The following CD163L1 variants were observed in gnomAD, a reference collection of about 807,000 sequenced individuals.
CD163L1 encodes the protein scavenger receptor cysteine-rich type 1 protein M160.
In CD163L1, 124 loss-of-function variants were observed where a neutral mutation model predicts 165.4. The observed-to-expected ratio is 0.75, with a 90% CI of 0.65 to 0.87. CD163L1 has a LOEUF of 0.87. Ranked by LOEUF, CD163L1 falls within the 40% of genes least tolerant of loss-of-function variation. CD163L1 has a pLI of 0.00. For synonymous variants in CD163L1, 585 were observed against 662.2 expected (o/e 0.88, Z 1.79); for missense variants, 1,525 against 1,799.9 (o/e 0.85, Z 2.76).
At chr12:7,439,451 C>G in intron 2 of CD163L1, 1 of 1,585,610 alleles carries the variant, frequency 6.3e-7, no homozygotes. Context: ...TTGGACTTGT[C>G]TTTTAGCTTC....
downstream of CD163L1, among the ~76,000 whole-genome samples, chr12:7,351,737 G>A (rs1418048725): frequency 6.6e-6 from 1 of 152,046 alleles, no homozygotes; most frequent in Non-Finnish European, 1.5e-5. Flanking sequence ...ATAAACCAGG[G>A]CTCCTTGGAA....
chr12:7,396,979 T>C (rs1947791965), intron 7 of CD163L1, among the ~76,000 whole-genome samples: 1 of 152,162 alleles, frequency 6.6e-6, no homozygotes, highest in African/African-American at 2.4e-5. Context: ...AGGATGAGTT[T>C]TATGAATTGA....
In CD163L1 at chr12:7,375,815, A is replaced by C. The variant is rs535109311; in HGVS notation, c.2571T>G (p.Thr857=). Residue 857 remains threonine (T), a synonymous_variant, in exon 10 of 20, where the codon ACT becomes ACG. Transcript: ENST00000313599. ...GDHFGKGNGL[T]WAEKFQCEGS... is the part of the protein sequence containing the mutation. ...CTTCACACTGGAACTTTTCGGCCCA[A>C]GTTAGACCATTCCCTTTTCCAAAGT... 1 of 1,614,120 alleles carries C rather than the reference A, an allele frequency of 6.2e-7. No individual in the cohort carries two copies. Among genetic ancestry groups the C allele is most frequent in the Non-Finnish European group, 8.5e-7 (1 of 1,180,050 alleles).
chr12:7,421,564 T>C (rs1013564350), intron 4 of CD163L1, among the ~76,000 whole-genome samples: 1 of 135,674 alleles, frequency 7.4e-6, no homozygotes, highest in African/African-American at 2.7e-5. Context: ...TACATATATG[T>C]ACATATATAC....
Position 7,368,027 on chromosome 12 carries a change from T to C in CD163L1, c.4183+60A>G, listed in dbSNP as rs771667481. The C allele has an allele frequency of 6.3e-6, 6 of 959,056 alleles. No homozygotes were observed. The highest frequency in any genetic ancestry group is 1.0e-5 in the Non-Finnish European group (6 of 589,452). The allele number at this position is 959,056 out of a possible 1,614,324, so 59.4% of individuals were successfully genotyped here. On this transcript the variant is annotated intron_variant, in intron 17 of 19. Transcript: ENST00000313599. The surrounding 1 kb of genome is among the most constrained non-coding windows in gnomAD (Gnocchi z 4.3). The stretch of plus-strand genomic sequence containing the variant: ...TCTTCCATTCTGCAAGAATCCCCCA[T>C]CCTGTGTGCCCTTGGTGGCAGGTAA...
rs112285280 is a variant in CD163L1 at position 7,440,882 on chromosome 12, C to G, written c.124+272G>C. ...CCTCAGGTGATCTCCCCACCTTGGC[C>G]TCCCAAAGTGCTGAGATTACAGGCC... On this transcript the variant is annotated intron_variant, in intron 2 of 19. Coordinates refer to ENST00000313599, the MANE Select transcript of CD163L1 (RefSeq NM_174941.6). 6.8e-3 allele frequency among the ~76,000 whole-genome samples: 1,031 copies of G among 152,278 alleles called. 10 individuals are homozygous for G. The highest frequency in any genetic ancestry group is 0.024 in the African/African-American group (990 of 41,550).
At chr12:7,391,064 C>A (rs1444862213) in intron 8 of CD163L1, among the ~76,000 whole-genome samples, 1 of 152,152 alleles carries the variant, frequency 6.6e-6, no homozygotes, top group Non-Finnish European at 1.5e-5. Context: ...GCTGTTGATA[C>A]CCAGGCAAAC....
intron 2 of CD163L1, chr12:7,438,889 G>A (rs760678726): frequency 3.6e-5 from 58 of 1,590,952 alleles, no homozygotes; most frequent in African/African-American, 1.7e-4. Flanking sequence ...CAGCACTTTT[G>A]CCTCTGTCTT....
downstream of CD163L1, among the ~76,000 whole-genome samples, chr12:7,343,867 C>A (rs11052118): frequency 0.061 from 9,300 of 152,242 alleles, 381 homozygotes; most frequent in East Asian, 0.16. Context: ...AATATTAACT[C>A]AAAAGTCCCA....
At chr12:7,421,628 TACATATATGTAC>T (rs1264673808) in intron 4 of CD163L1, among the ~76,000 whole-genome samples, 4 of 103,874 alleles carry the variant, frequency 3.9e-5, no homozygotes, top group African/African-American at 2.1e-4. Context: ...TGTACATATA[TACATATATGTAC>T]ACATATACAT....
chr12:7,337,906 GA>G, the CD163L1 span, among the ~76,000 whole-genome samples: 4 of 152,126 alleles, frequency 2.6e-5, no homozygotes, highest in Non-Finnish European at 5.9e-5. Flanking sequence ...CAAAGACTTG[GA>G]GCCAACCCAA....
At chr12:7,364,865 G>A (rs1054825519) in intron 18 of CD163L1, among the ~76,000 whole-genome samples, 2 of 152,186 alleles carry the variant, frequency 1.3e-5, no homozygotes, top group African/African-American at 4.8e-5. Context: ...GCAATTTACG[G>A]ATTCAACGCA....
Position 7,368,942 on chromosome 12 carries a change from C to T in CD163L1, c.4063G>A (p.Ala1355Thr). The change falls in exon 16 of 20, where the codon GCC becomes ACC. Residue 1355 changes from alanine (A) to threonine (T), a missense_variant. Coordinates refer to ENST00000313599, the MANE Select transcript of CD163L1 (RefSeq NM_174941.6). This position sits in a 1 kb window ranked among gnomAD's most constrained non-coding sequence, Gnocchi z 4.3. ...CSGQSLKSLN[A>T]SSGHLALILS... Reference sequence around the variant, plus strand: ...AGGCAGAAGACTATACCTGAGGAGGCATTCAGTGATTTCAGCGACTGTCCT... The same window carrying T: ...AGGCAGAAGACTATACCTGAGGAGGTATTCAGTGATTTCAGCGACTGTCCT... 1 of 1,613,542 alleles carries T rather than the reference C, an allele frequency of 6.2e-7. No homozygotes were observed. The highest frequency in any genetic ancestry group is 8.5e-7 in the Non-Finnish European group (1 of 1,179,874).
chr12:7,364,454 G>C (rs1369957717), intron 18 of CD163L1, among the ~76,000 whole-genome samples: 1 of 152,094 alleles, frequency 6.6e-6, no homozygotes, highest in East Asian at 1.9e-4. Flanking sequence ...TTAGGCAAGA[G>C]AAAGACATAT....
Position 7,369,272 on chromosome 12 carries a change from G to C in CD163L1, c.4039+85C>G. The C allele has an allele frequency of 7.2e-7, 1 of 1,386,960 alleles. No homozygotes were observed. 85.9% of individuals were successfully genotyped at this position (1,386,960 alleles called of 1,614,324 possible). ...TCAACAAGAAATCCTAGTATCTTCA[G>C]CTCAACTCTCTGAGTGAGCCTGTTT... On this transcript the variant is annotated intron_variant, in intron 15 of 19. Transcript: ENST00000313599. The surrounding 1 kb of genome is among the most constrained non-coding windows in gnomAD (Gnocchi z 4.9).
At chr12:7,428,287 T>A (rs964247439) in intron 4 of CD163L1, among the ~76,000 whole-genome samples, 1 of 152,078 alleles carries the variant, frequency 6.6e-6, no homozygotes, top group Admixed American at 6.6e-5. Flanking sequence ...TAAAAAAAAT[T>A]TTTTTAAGTC....
At chr12:7,428,017 T>C (rs758037640) in intron 4 of CD163L1, among the ~76,000 whole-genome samples, 1 of 152,278 alleles carries the variant, frequency 6.6e-6, no homozygotes, top group South Asian at 2.1e-4. Context: ...TTTGTTTATA[T>C]GTCATTCTAT....
rs762897347 is a variant in CD163L1, at chr12:7,417,234, C to G, written c.767-10382G>C. ...TCTCTGTTTGTCTATTATTGGTGTA[C>G]AGGAATGCTTGTGATTTTTGCACAT... On this transcript the variant is annotated intron_variant, in intron 4 of 19. Transcript: ENST00000313599. Among the ~76,000 whole-genome samples the G allele has an allele frequency of 2.2e-3, 331 of 151,968 alleles. 1 individual carries two copies. The highest frequency in any genetic ancestry group is 7.6e-3 in the African/African-American group (314 of 41,480).
At chr12:7,399,326 T>C (rs952072735) in intron 6 of CD163L1, among the ~76,000 whole-genome samples, 15 of 138,186 alleles carry the variant, frequency 1.1e-4, no homozygotes, top group Admixed American at 2.8e-4. Context: ...TTCTTCTCTC[T>C]CTTCTTTCAT....
Sources: gnomAD v4.1 joint callset for allele counts (sites outside exome capture counted in the v4.1 genomes callset) on GRCh38, gnomAD v4.1.1 for gene constraint, Gnocchi (gnomAD v3.1) non-coding constraint, MANE v1.5 for transcripts, NCBI Gene and HGNC (gene_info 2026-07-23, HGNC 2026-07-21) for gene names.